Variants in KCNQ1 observed in about 807,000 individuals in gnomAD.
KCNQ1 encodes the protein potassium voltage-gated channel subfamily KQT member 1.
In KCNQ1, 49 loss-of-function variants were observed where a neutral mutation model predicts 72.4. The observed-to-expected ratio is 0.68, with a 90% CI of 0.54 to 0.86. The LOEUF (loss-of-function observed/expected upper bound fraction) is 0.86. Ranked by LOEUF, KCNQ1 falls within the 40% of genes least tolerant of loss-of-function variation. The probability of loss-of-function intolerance (pLI) is 0.00; values close to 1 mark genes in which losing one functional copy is unlikely to be tolerated. For missense variants in KCNQ1, 790 were observed against 945.1 expected (o/e 0.84, Z 2.15); for synonymous variants, 450 against 412.6 (o/e 1.09, Z -1.10).
intron 10 of KCNQ1, among the ~76,000 whole-genome samples, chr11:2,596,087 A>T (rs1312519829): frequency 6.6e-6 from 1 of 152,232 alleles, no homozygotes; most frequent in East Asian, 1.9e-4. Flanking sequence ...TGGCTGAAAT[A>T]TCATTAGTTA....
chr11:2,685,557 C>T (rs948714442), intron 11 of KCNQ1: 33 of 398,710 alleles, frequency 8.3e-5, no homozygotes, highest in African/African-American at 6.8e-4. Flanking sequence ...CAGATGACTA[C>T]AGCTCTTGGC....
intron 12 of KCNQ1, chr11:2,771,465 G>C (rs990991986): frequency 1.3e-5 from 2 of 152,262 alleles, no homozygotes; most frequent in African/African-American, 2.4e-5. Context: ...GCAGCTCTCT[G>C]TAAGTTTGAT....
intron 11 of KCNQ1, chr11:2,686,346 G>T (rs1200326460): frequency 2.5e-6 from 1 of 398,628 alleles, no homozygotes; most frequent in African/African-American, 2.1e-5. Flanking sequence ...CAAGCTGGGG[G>T]AGGAGTATGC....
rs950460018 is a variant in KCNQ1, at chr11:2,690,151, C to T, written c.1514+28070C>T. The stretch of plus-strand genomic sequence containing the variant: ...GGGACAAAAAGCGGGCAGCCCTCCC[C>T]AGCATGACAGGATGTGGAAGGCTGG... On this transcript the variant is annotated intron_variant, in intron 11 of 15. Coordinates refer to ENST00000155840, the MANE Select transcript of KCNQ1 (RefSeq NM_000218.3). The surrounding 1 kb of genome is among the most constrained non-coding windows in gnomAD (Gnocchi z 5.1). 2.8e-5 allele frequency: 11 copies of T among 398,770 alleles called. No homozygotes were observed. The highest frequency in any genetic ancestry group is 4.4e-5 in the Non-Finnish European group (10 of 226,286). The allele number at this position is 398,770 out of a possible 1,614,324, so 24.7% of individuals were successfully genotyped here.
chr11:2,807,012 CTG>C (rs925309222), intron 15 of KCNQ1, among the ~76,000 whole-genome samples: 65 of 152,294 alleles, frequency 4.3e-4, no homozygotes, highest in Admixed American at 1.2e-3. Context: ...GCCCCACAGT[CTG>C]TGACCGTGCA....
rs375180935 is a variant in KCNQ1 at position 2,471,851 on chromosome 11, GGTGT to G, written c.386+26374_386+26377del. 6.6e-6 allele frequency among the ~76,000 whole-genome samples: 1 copy of G among 150,720 alleles called. No homozygotes were observed. Among genetic ancestry groups the G allele is most frequent in the African/African-American group, 2.5e-5 (1 of 40,694 alleles). On this transcript the variant is annotated intron_variant, in intron 1 of 15. Coordinates refer to ENST00000155840, the MANE Select transcript of KCNQ1 (RefSeq NM_000218.3). The surrounding 1 kb of genome is among the most constrained non-coding windows in gnomAD (Gnocchi z 4.8). ...GTGCGTGTGCACCTATGTGTGTATA[GGTGT>G]GTGTGTTTATGTATGGGTGTGTGTG... is the stretch of plus-strand genomic sequence containing the variant.
chr11:2,678,222 T>C lies in KCNQ1; in HGVS notation c.1514+16141T>C. ...TCACATAGTCAGCTGTGTCAGTCTT[T>C]TATGGTTTGAGGTCCTTATCTTAAA... On this transcript the variant is annotated intron_variant, in intron 11 of 15. Transcript: ENST00000155840. The surrounding 1 kb of genome is among the most constrained non-coding windows in gnomAD (Gnocchi z 4.9). 1 of 398,428 alleles carries C rather than the reference T, an allele frequency of 2.5e-6. No individual in the cohort carries two copies. Among genetic ancestry groups the C allele is most frequent in the Middle Eastern group, 6.3e-4 (1 of 1,584 alleles). The allele number at this position is 398,428 out of a possible 1,614,324, so 24.7% of individuals were successfully genotyped here.
chr11:2,753,239 G>A (rs1029469522), intron 11 of KCNQ1, among the ~76,000 whole-genome samples: 12 of 152,308 alleles, frequency 7.9e-5, no homozygotes, highest in African/African-American at 2.6e-4. Context: ...GAGATCTTCA[G>A]TCTGTCCCTC....
chr11:2,585,599 T>C (rs56859078), intron 8 of KCNQ1, among the ~76,000 whole-genome samples: 10,304 of 152,306 alleles, frequency 0.068, 1,102 homozygotes, highest in African/African-American at 0.23. Flanking sequence ...TGAGGCTCCC[T>C]TGTGCTCCCA....
chr11:2,558,366 C>T (rs1168457717), intron 2 of KCNQ1, among the ~76,000 whole-genome samples: 1 of 152,258 alleles, frequency 6.6e-6, no homozygotes, highest in Non-Finnish European at 1.5e-5. Flanking sequence ...TTCAGTGCGT[C>T]CTGGGTTCTC....
intron 6 of KCNQ1, among the ~76,000 whole-genome samples, chr11:2,575,792 C>G (rs1053617773): frequency 3.3e-5 from 5 of 152,192 alleles, no homozygotes; most frequent in Non-Finnish European, 7.4e-5. Flanking sequence ...GGACTCCTCA[C>G]CCCTCAGACA....
At chr11:2,716,716 G>A (rs1173713931) in intron 11 of KCNQ1, among the ~76,000 whole-genome samples, 1 of 152,236 alleles carries the variant, frequency 6.6e-6, no homozygotes, top group Non-Finnish European at 1.5e-5. Context: ...GCCGTGAAAG[G>A]CACGGGCAGC....
At position 2,713,102 on chromosome 11, in the gene KCNQ1, G is replaced by A. The variant is rs944350255; in HGVS notation, c.1514+51021G>A. On this transcript the variant is annotated intron_variant, in intron 11 of 15. Coordinates refer to ENST00000155840, the MANE Select transcript of KCNQ1 (RefSeq NM_000218.3). This position sits in a 1 kb window ranked among gnomAD's most constrained non-coding sequence, Gnocchi z 5.6. ...AACTTTGTGAAGCATTTGGTATTTG[G>A]GGGATTTTACATTAGGGTTAATGAG... Among the ~76,000 whole-genome samples, 15 of 152,144 alleles carry A rather than the reference G, an allele frequency of 9.9e-5. No individual in the cohort carries two copies. The highest frequency in any genetic ancestry group is 2.2e-4 in the Non-Finnish European group (15 of 68,022).
intron 2 of KCNQ1, among the ~76,000 whole-genome samples, chr11:2,533,941 T>A (rs1431882063): frequency 2.0e-5 from 3 of 152,198 alleles, no homozygotes; most frequent in African/African-American, 7.2e-5. Context: ...CCCCGTGAGC[T>A]GCGGCCCCGG....
intron 11 of KCNQ1, among the ~76,000 whole-genome samples, chr11:2,742,641 G>A (rs968583035): frequency 2.6e-5 from 4 of 152,246 alleles, no homozygotes; most frequent in African/African-American, 9.7e-5. Context: ...GAGGATGCTC[G>A]GTGTTTGTCC....
At chr11:2,575,835 A>C (rs1848415174) in intron 6 of KCNQ1, among the ~76,000 whole-genome samples, 1 of 152,116 alleles carries the variant, frequency 6.6e-6, no homozygotes, top group South Asian at 2.1e-4. Flanking sequence ...TGCCACAACA[A>C]AGTCCGCGAA....
intron 11 of KCNQ1, 26 bp downstream of exon 11, chr11:2,662,107 G>C: frequency 6.2e-7 from 1 of 1,614,018 alleles, no homozygotes; most frequent in Non-Finnish European, 8.5e-7. Context: ...TGCGTGAAGG[G>C]CTGGGCTGGA....
rs1849787200 is a variant in KCNQ1 at position 2,653,355 on chromosome 11, C to G, written c.1394-8606C>G. ...CCCATGTCCGTAGGCTCACACCTCA[C>G]CCCCAACTTTGTCATGCACATTCCT... On this transcript the variant is annotated intron_variant, in intron 10 of 15. Transcript: ENST00000155840. The surrounding 1 kb of genome is among the most constrained non-coding windows in gnomAD (Gnocchi z 5.3). 1 of 398,644 alleles carries G rather than the reference C, an allele frequency of 2.5e-6. No individual in the cohort carries two copies. The allele number at this position is 398,644 out of a possible 1,614,324, so 24.7% of individuals were successfully genotyped here.
chr11:2,584,480 T>A (rs1848557392), intron 7 of KCNQ1, among the ~76,000 whole-genome samples: 1 of 150,572 alleles, frequency 6.6e-6, no homozygotes, highest in African/African-American at 2.4e-5. Context: ...TATGTTAGTG[T>A]TAGTGTGTGT....
Sources: gnomAD v4.1 joint callset for allele counts (sites outside exome capture counted in the v4.1 genomes callset) on GRCh38, gnomAD v4.1.1 for gene constraint, Gnocchi (gnomAD v3.1) non-coding constraint, MANE v1.5 for transcripts, NCBI Gene and HGNC (gene_info 2026-07-23, HGNC 2026-07-21) for gene names.